The following LRRIQ1 variants were observed in gnomAD, a reference collection of about 807,000 sequenced individuals.
LRRIQ1 encodes the protein leucine-rich repeat- and IQ domain-containing protein 1.
LRRIQ1 carries 210 observed loss-of-function variants against 211.9 expected under a neutral mutation model. The observed-to-expected ratio is 0.99, with a 90% CI of 0.89 to 1.11. The LOEUF is 1.11. Among genes scored for constraint, LRRIQ1 ranks in the 50% most tolerant of loss-of-function variants. The pLI, the probability that LRRIQ1 is intolerant of heterozygous loss-of-function variation, is 0.00. For missense variants in LRRIQ1, 2,136 were observed against 1,939.5 expected (o/e 1.10, Z -1.90); for synonymous variants, 699 against 650.1 (o/e 1.08, Z -1.14).
intron 8 of LRRIQ1, among the ~76,000 whole-genome samples, chr12:85,058,523 G>C (rs1262293605): frequency 6.6e-6 from 1 of 151,988 alleles, no homozygotes; most frequent in Non-Finnish European, 1.5e-5. Context: ...TGAAAATGAA[G>C]TTACAGAAAC....
In LRRIQ1 at chr12:85,143,871, A is replaced by G. The variant is rs1373108309; in HGVS notation, c.4329+5902A>G. On this transcript the variant is annotated intron_variant, in intron 19 of 26. Coordinates refer to ENST00000393217, the MANE Select transcript of LRRIQ1 (RefSeq NM_001079910.2). ...TTTTGTTTTTTAGTCAGCTTAAAGA[A>G]GCAAGAGGTGTGTCCCTGTATTGAG... 4.6e-5 allele frequency among the ~76,000 whole-genome samples: 7 copies of G among 151,754 alleles called. No individual in the cohort carries two copies. In the East Asian group the frequency reaches 1.4e-3, roughly 30 times the overall value.
At chr12:85,100,967 T>C (rs1886304367) in intron 13 of LRRIQ1, among the ~76,000 whole-genome samples, 1 of 151,790 alleles carries the variant, frequency 6.6e-6, no homozygotes, top group Admixed American at 6.6e-5. Flanking sequence ...AAATCTATGT[T>C]TAAATATTGA....
intron 24 of LRRIQ1, among the ~76,000 whole-genome samples, chr12:85,197,719 C>A (rs1310085539): frequency 2.6e-5 from 4 of 151,172 alleles, no homozygotes; most frequent in Admixed American, 1.3e-4. Flanking sequence ...GGGAGATATA[C>A]CTAATGCTAG....
chr12:85,204,880 G>T lies in LRRIQ1; in HGVS notation c.4823-24637G>T, dbSNP rs868777307. The stretch of plus-strand genomic sequence containing the variant: ...AAGACTTTGAGGGACCATTGGGAAG[G>T]CATGATTAGTTTTGAAATTTGAGGA... On this transcript the variant is annotated intron_variant, in intron 24 of 26. Transcript: ENST00000393217. Among the ~76,000 whole-genome samples, 22 of 152,250 alleles carry T rather than the reference G, an allele frequency of 1.4e-4. 3 individuals carry two copies. The Middle Eastern group carries it at 0.037, about 259-fold the overall frequency.
chr12:85,204,267 G>C (rs1893436174), intron 24 of LRRIQ1, among the ~76,000 whole-genome samples: 1 of 152,140 alleles, frequency 6.6e-6, no homozygotes, highest in African/African-American at 2.4e-5. Flanking sequence ...TGGATGCCCA[G>C]GCAAAAGTTT....
At chr12:85,078,340 C>A (rs1883901898) in intron 11 of LRRIQ1, among the ~76,000 whole-genome samples, 1 of 152,050 alleles carries the variant, frequency 6.6e-6, no homozygotes, top group African/African-American at 2.4e-5. Context: ...TGAAGTTACC[C>A]TCACTCTATA....
chr12:85,120,853 G>T (rs73381605), intron 15 of LRRIQ1, among the ~76,000 whole-genome samples: 1 of 152,170 alleles, frequency 6.6e-6, no homozygotes, highest in African/African-American at 2.4e-5. Context: ...GAAGGGTTTC[G>T]GCTAGTAGTT....
chr12:85,072,835 A>C, intron 10 of LRRIQ1, 72 bp from the exon 11 acceptor site: 1 of 1,069,232 alleles, frequency 9.4e-7, no homozygotes, highest in Non-Finnish European at 1.3e-6. Context: ...TTTTTTTCTC[A>C]TATAAGCTAT....
chr12:85,176,155 C>T (rs188574435), intron 24 of LRRIQ1, among the ~76,000 whole-genome samples: 5 of 152,094 alleles, frequency 3.3e-5, no homozygotes, highest in Admixed American at 2.6e-4. Flanking sequence ...ATGTTCTTCC[C>T]TTTGTTTGTA....
intron 24 of LRRIQ1, among the ~76,000 whole-genome samples, chr12:85,228,014 A>T (rs993756013): frequency 6.6e-6 from 1 of 152,216 alleles, no homozygotes; most frequent in Admixed American, 6.5e-5. Flanking sequence ...CTTATACAAA[A>T]ATCAATTCAA....
chr12:85,226,339 C>T (rs1002774441), intron 24 of LRRIQ1, among the ~76,000 whole-genome samples: 7 of 152,038 alleles, frequency 4.6e-5, no homozygotes, highest in Non-Finnish European at 1.0e-4. Flanking sequence ...CTCAGTTGAT[C>T]ATCAGGGTCA....
At chr12:85,126,016 C>T (rs940684917) in intron 17 of LRRIQ1, among the ~76,000 whole-genome samples, 2 of 152,088 alleles carry the variant, frequency 1.3e-5, no homozygotes, top group African/African-American at 4.8e-5. Flanking sequence ...TTTGCATGTG[C>T]TCTTATTCTA....
intron 11 of LRRIQ1, among the ~76,000 whole-genome samples, chr12:85,081,234 ATCT>A (rs1291076035): frequency 6.6e-6 from 1 of 152,142 alleles, no homozygotes; most frequent in Non-Finnish European, 1.5e-5. Context: ...GAAAGATGTG[ATCT>A]TCTCACTTTT....
chr12:85,160,480 C>T (rs1276268816), intron 23 of LRRIQ1, 133 bp from the exon 24 acceptor site: 4 of 496,986 alleles, frequency 8.0e-6, no homozygotes, highest in Non-Finnish European at 1.4e-5. Context: ...CTTAATATAA[C>T]ATCATCATCA....
chr12:85,054,953 T>C (rs1400237946), intron 7 of LRRIQ1, among the ~76,000 whole-genome samples: 2 of 152,174 alleles, frequency 1.3e-5, no homozygotes, highest in African/African-American at 2.4e-5. Flanking sequence ...TAATATTTTC[T>C]CACCTAACTC....
Position 85,124,515 on chromosome 12 carries a change from A to G in LRRIQ1, c.4003A>G (p.Lys1335Glu), listed in dbSNP as rs781056317. ...TCACCAAAATATTGAGCCTAGTGAA[A>G]AAATGTAAGATATATAAATAATGTT... ...RNHQNIEPSE[K>E]IMAAVVIQSY... Residue 1335 changes from lysine (K) to glutamate (E), a missense_variant, in exon 17 of 27, where the codon AAA (lysine) becomes GAA (glutamate). Coordinates refer to ENST00000393217, the MANE Select transcript of LRRIQ1 (RefSeq NM_001079910.2). The G allele has an allele frequency of 6.2e-6, 10 of 1,600,826 alleles. No individual in the cohort carries two copies. Among genetic ancestry groups the G allele is most frequent in the Non-Finnish European group, 8.5e-6 (10 of 1,171,416 alleles).
chr12:85,173,103 G>A (rs1387135746), intron 24 of LRRIQ1, among the ~76,000 whole-genome samples: 2 of 151,958 alleles, frequency 1.3e-5, no homozygotes, highest in Admixed American at 6.6e-5. Context: ...GCAAGATTCC[G>A]TCTCAAAAAC....
intron 18 of LRRIQ1, among the ~76,000 whole-genome samples, chr12:85,136,509 C>T (rs1889144379): frequency 6.6e-6 from 1 of 151,870 alleles, no homozygotes; most frequent in South Asian, 2.1e-4. Context: ...GAAGCTGGGT[C>T]ATTGATCAAG....
the LRRIQ1 span, among the ~76,000 whole-genome samples, chr12:85,270,587 G>T: frequency 6.6e-6 from 1 of 151,876 alleles, no homozygotes; most frequent in African/African-American, 2.4e-5. Context: ...TGCTTTTTAA[G>T]TCACTTTTCA....
Sources: gnomAD v4.1 joint callset for allele counts (sites outside exome capture counted in the v4.1 genomes callset) on GRCh38, gnomAD v4.1.1 for gene constraint, MANE v1.5 for transcripts, NCBI Gene and HGNC (gene_info 2026-07-23, HGNC 2026-07-21) for gene names.